Variants in U2AF2 observed in about 807,000 individuals in gnomAD.
U2AF2 encodes splicing factor U2AF 65 kDa subunit.
A neutral mutation model predicts 52.6 loss-of-function variants in U2AF2; 6 were observed. The observed-to-expected ratio is 0.11, with a 90% CI of 0.06 to 0.23. U2AF2 has a LOEUF of 0.23. U2AF2 is among the 10% of genes least tolerant of loss of function. The pLI, the probability that U2AF2 is intolerant of heterozygous loss-of-function variation, is 1.00. For synonymous variants in U2AF2, 284 were observed against 258.2 expected (o/e 1.10, Z -0.96); for missense variants, 222 against 677.1 (o/e 0.33, Z 7.46).
rs769895720 is a variant in U2AF2 at position 55,663,593 on chromosome 19, C to T, written c.604-13C>T. 1.2e-6 allele frequency: 2 copies of T among 1,612,410 alleles called. No individual in the cohort carries two copies. The highest frequency in any genetic ancestry group is 1.7e-6 in the Non-Finnish European group (2 of 1,178,684). On this transcript the variant is annotated splice_polypyrimidine_tract_variant and intron_variant, in intron 6 of 11. Transcript: ENST00000308924. ...GACCCCCATCCCTCACCACTCCTTT[C>T]TCTTTCATTCAGTTCCGCTCAGTGG...
chr19:55,665,270 C>T (rs550873300), intron 7 of U2AF2, among the ~76,000 whole-genome samples: 21 of 152,182 alleles, frequency 1.4e-4, no homozygotes, highest in African/African-American at 3.6e-4. Context: ...CCTCCATGCA[C>T]GGCAGTTCTA....
chr19:55,665,638 C>T (rs974265829), intron 7 of U2AF2, among the ~76,000 whole-genome samples: 4 of 152,206 alleles, frequency 2.6e-5, no homozygotes, highest in Admixed American at 1.3e-4. Context: ...GGCCCACTGC[C>T]TGTTTTTTGT....
chr19:55,663,928 C>T (rs1600077325), intron 7 of U2AF2, 184 bp downstream of exon 7: 2 of 847,090 alleles, frequency 2.4e-6, no homozygotes, highest in Non-Finnish European at 3.5e-6. Flanking sequence ...GAGAAGGTGC[C>T]TAGGGCCGGG....
chr19:55,662,172 G>T (rs904944841), intron 5 of U2AF2: 5 of 223,948 alleles, frequency 2.2e-5, no homozygotes, highest in Admixed American at 1.6e-4. Context: ...TTCATTTTGT[G>T]TTGTCATCAT....
At chr19:55,670,485 G>T in intron 11 of U2AF2, 1 of 167,418 alleles carries the variant, frequency 6.0e-6, no homozygotes, top group South Asian at 5.3e-5. Flanking sequence ...CCTGCTGTCC[G>T]TGCACCCTGC....
chr19:55,669,420 C>T (rs1436404578), intron 10 of U2AF2, 24 bp from the exon 11 acceptor site: 2 of 1,573,560 alleles, frequency 1.3e-6, no homozygotes, highest in Admixed American at 1.8e-5. Flanking sequence ...CCCTGTGACG[C>T]CGCTGCCTCC....
rs755391124 is a variant in U2AF2, at chr19:55,661,203, C to G, written c.486+14C>G. On this transcript the variant is annotated intron_variant, in intron 5 of 11. Coordinates refer to ENST00000308924, the MANE Select transcript of U2AF2 (RefSeq NM_007279.3). Reference sequence around the variant, plus strand: ...GGCATCACTGAGGTACTGCCCTCCCCTGCCCCCTACCCTCTCCCTTGTCCC... The same window carrying G: ...GGCATCACTGAGGTACTGCCCTCCCGTGCCCCCTACCCTCTCCCTTGTCCC... 1 of 1,579,928 alleles carries G rather than the reference C, an allele frequency of 6.3e-7. No individual in the cohort carries two copies. The highest frequency in any genetic ancestry group is 1.1e-5 in the South Asian group (1 of 88,682).
intron 7 of U2AF2, among the ~76,000 whole-genome samples, chr19:55,666,255 G>A (rs538958859): frequency 2.6e-5 from 4 of 152,172 alleles, no homozygotes; most frequent in African/African-American, 7.2e-5. Flanking sequence ...AAAGAGCTTC[G>A]GGACAATGGG....
At position 55,669,629 on chromosome 19, in the gene U2AF2, G is replaced by T. The variant is rs758706843; in HGVS notation, c.1230G>T (p.Gly410=). 1 of 1,613,358 alleles carries T rather than the reference G, an allele frequency of 6.2e-7. No individual in the cohort carries two copies. The highest frequency in any genetic ancestry group is 1.7e-5 in the Admixed American group (1 of 60,014). The part of the protein sequence containing the change: ...EDVRDECSKY[G]LVKSIEIPRP... Reference sequence around the variant, plus strand: ...TGCGGGACGAGTGCAGCAAGTACGGGCTTGTCAAGTCCATCGAGATCCCCC... The same window carrying T: ...TGCGGGACGAGTGCAGCAAGTACGGTCTTGTCAAGTCCATCGAGATCCCCC... The change falls in exon 11 of 12, where the codon GGG becomes GGT. Residue 410 remains glycine, a synonymous_variant. Coordinates refer to ENST00000308924, the MANE Select transcript of U2AF2 (RefSeq NM_007279.3).
intron 1 of U2AF2, among the ~76,000 whole-genome samples, chr19:55,656,495 A>AT (rs112457803): frequency 2.0e-5 from 3 of 151,986 alleles, no homozygotes; most frequent in African/African-American, 4.8e-5. Flanking sequence ...ACGTTTATAT[A>AT]TTTTTTTCCA....
chr19:55,660,664 G>T lies in U2AF2; in HGVS notation c.334+45G>T, dbSNP rs371940432. 5.4e-5 allele frequency: 84 copies of T among 1,557,096 alleles called. No homozygotes were observed. The African/African-American group carries it at 7.5e-4, about 14-fold the overall frequency. ...GCTCCCAGAGCGGGAGGGTACAGGG[G>T]TTGGGATTCTCCGTCAGTCATTCCC... On this transcript the variant is annotated intron_variant, in intron 4 of 11. Coordinates refer to ENST00000308924, the MANE Select transcript of U2AF2 (RefSeq NM_007279.3).
At chr19:55,655,783 C>T (rs977455407) in intron 1 of U2AF2, among the ~76,000 whole-genome samples, 1 of 152,238 alleles carries the variant, frequency 6.6e-6, no homozygotes, top group Non-Finnish European at 1.5e-5. Context: ...AGTGGGGCGC[C>T]TCATATTAAC....
intron 1 of U2AF2, among the ~76,000 whole-genome samples, chr19:55,657,523 T>G (rs1983872562): frequency 6.6e-6 from 1 of 152,200 alleles, no homozygotes; most frequent in Non-Finnish European, 1.5e-5. Flanking sequence ...TGCTTGCCTG[T>G]TTCAGAGCCT....
At chr19:55,655,214 C>G (rs536008085) in intron 1 of U2AF2, 61 bp downstream of exon 1, 1,042 of 1,540,172 alleles carry the variant, frequency 6.8e-4, no homozygotes, top group Non-Finnish European at 8.5e-4. Flanking sequence ...CTCTTTGCCC[C>G]CCCGCCATTT....
chr19:55,668,947 C>G lies in U2AF2; in HGVS notation c.946-136C>G. The G allele has an allele frequency of 2.0e-6, 3 of 1,483,100 alleles. No individual in the cohort carries two copies. The highest frequency in any genetic ancestry group is 2.7e-6 in the Non-Finnish European group (3 of 1,103,786). The allele number at this position is 1,483,100 out of a possible 1,614,324, so 91.9% of individuals were successfully genotyped here. A position where few individuals can be genotyped will look rare whatever the true frequency, so the allele number is the denominator to read the frequency against. On this transcript the variant is annotated intron_variant, in intron 9 of 11. Transcript: ENST00000308924. This position sits in a 1 kb window ranked among gnomAD's most constrained non-coding sequence, Gnocchi z 5.5. The stretch of plus-strand genomic sequence containing the variant: ...GCTCGTCCCTGTCCCATGGCGTTGG[C>G]TTTTTCCAGGCTCTTAATCCCCTTT...
chr19:55,662,713 C>T (rs1252216723), intron 6 of U2AF2, 95 bp downstream of exon 6: 2 of 1,084,588 alleles, frequency 1.8e-6, no homozygotes, highest in Non-Finnish European at 2.7e-6. Flanking sequence ...TGTGCTGTTT[C>T]CACCAGGCCC....
intron 7 of U2AF2, among the ~76,000 whole-genome samples, chr19:55,667,949 C>T (rs1984651597): frequency 6.6e-6 from 1 of 152,114 alleles, no homozygotes; most frequent in Admixed American, 6.5e-5. Flanking sequence ...CCACAGCCCG[C>T]TAATTTTTGT....
At chr19:55,657,294 G>C (rs921655246) in intron 1 of U2AF2, among the ~76,000 whole-genome samples, 3 of 152,222 alleles carry the variant, frequency 2.0e-5, no homozygotes, top group African/African-American at 4.8e-5. Flanking sequence ...TACCTGTCCA[G>C]CATCAGTGTG....
intron 1 of U2AF2, among the ~76,000 whole-genome samples, chr19:55,658,607 C>T (rs1281430528): frequency 2.6e-5 from 4 of 152,066 alleles, no homozygotes; most frequent in Non-Finnish European, 4.4e-5. Context: ...GAGAGGAGGG[C>T]CTCTTTCCCC....
Sources: gnomAD v4.1 joint callset for allele counts (sites outside exome capture counted in the v4.1 genomes callset) on GRCh38, gnomAD v4.1.1 for gene constraint, Gnocchi (gnomAD v3.1) non-coding constraint, MANE v1.5 for transcripts, NCBI Gene and HGNC (gene_info 2026-07-23, HGNC 2026-07-21) for gene names.